PI15: variants seen among roughly 807,000 people sequenced by gnomAD.
The protein encoded by PI15 is peptidase inhibitor 15.
PI15 carries 18 observed loss-of-function variants against 31.0 expected under a neutral mutation model. That is an observed-to-expected ratio of 0.58 (90% CI 0.40 to 0.86). The LOEUF (loss-of-function observed/expected upper bound fraction) is 0.86. Among genes scored for constraint, PI15 ranks in the 40% least tolerant of loss-of-function variants. The pLI is 0.00. For synonymous variants in PI15, 118 were observed against 119.1 expected, an observed-to-expected ratio of 0.99 and a Z score of 0.06; for missense variants, 282 against 328.1, an observed-to-expected ratio of 0.86 and a Z score of 1.09.
Position 74,845,249 on chromosome 8 carries a change from C to G in PI15, c.514C>G (p.His172Asp). Residue 172 changes from histidine to aspartate, a missense_variant, in exon 4 of 6, where the codon CAT becomes GAT. Physicochemically the swap from His to Asp is moderately conservative, Grantham distance 81. Transcript: ENST00000260113. ...PMRCFGPMCTHYTQMVWATSN... is the reference protein window; with the variant it reads ...PMRCFGPMCTDYTQMVWATSN... Reference sequence around the variant, plus strand: ...GAGATGTTTTGGTCCCATGTGCACACATTATACGCAGGTTATTTCAATTAC... The same window carrying G: ...GAGATGTTTTGGTCCCATGTGCACAGATTATACGCAGGTTATTTCAATTAC... 1 of 1,613,430 alleles carries G rather than the reference C, an allele frequency of 6.2e-7. No homozygotes were observed. Among genetic ancestry groups the G allele is most frequent in the East Asian group, 2.2e-5 (1 of 44,878 alleles).
Position 74,843,981 on chromosome 8 carries a change from G to T in PI15, c.274G>T (p.Val92Phe), listed in dbSNP as rs747171231. Residue 92 changes from valine (V) to phenylalanine (F), a missense_variant and splice_region_variant, in exon 3 of 6, where the codon GTT (valine) becomes TTT (phenylalanine). Physicochemically the swap from Val to Phe is conservative, Grantham distance 50. Coordinates refer to ENST00000260113, the MANE Select transcript of PI15 (RefSeq NM_015886.5). ...CGCTGAAGATTTTTTTCCCCTACAG[G>T]TTTGGGATGAAAATCTTGCAAAATC... ...FPPAANMEYM[V>F]WDENLAKSAE... is the part of the protein sequence containing the mutation. 2.0e-6 allele frequency: 3 copies of T among 1,507,452 alleles called. No individual in the cohort carries two copies. Among genetic ancestry groups the T allele is most frequent in the South Asian group, 2.2e-5 (2 of 89,030 alleles). The allele number at this position is 1,507,452 out of a possible 1,614,324, so 93.4% of individuals were successfully genotyped here. A position where few individuals can be genotyped will look rare whatever the true frequency, so the allele number is the denominator to read the frequency against.
intron 3 of PI15, 124 bp from the exon 4 acceptor site, chr8:74,845,004 G>A: frequency 1.3e-6 from 1 of 781,780 alleles, no homozygotes; most frequent in Non-Finnish European, 2.1e-6. Context: ...GATTGTGAGG[G>A]GTGGATGTGC....
At chr8:74,828,986 T>G (rs1810740110) in intron 2 of PI15, among the ~76,000 whole-genome samples, 3 of 152,130 alleles carry the variant, frequency 2.0e-5, no homozygotes, top group Admixed American at 2.0e-4. Context: ...TTGTCTACTC[T>G]TATCATGTCT....
chr8:74,834,222 T>G (rs1048044042), intron 2 of PI15, among the ~76,000 whole-genome samples: 5 of 152,144 alleles, frequency 3.3e-5, no homozygotes, highest in African/African-American at 9.7e-5. Context: ...CGTTCATCTC[T>G]CCTGTTTCTG....
At chr8:74,825,020 T>C in intron 1 of PI15, 190 bp from the exon 2 acceptor site, 1 of 581,270 alleles carries the variant, frequency 1.7e-6, no homozygotes, top group Admixed American at 2.8e-5. Context: ...CTCTTAGGGG[T>C]CTGCCTCATG....
Position 74,851,496 on chromosome 8 carries a change from A to T in PI15, c.*2243A>T, listed in dbSNP as rs1811103366. The T allele has an allele frequency of 6.6e-6, 1 of 152,020 alleles. No homozygotes were observed. The highest frequency in any genetic ancestry group is 2.4e-5 in the African/African-American group (1 of 41,440). The allele number at this position is 152,020 out of a possible 1,614,324, so 9.4% of individuals were successfully genotyped here. ...CTTATGAAGGTAAATTTACCAGATT[A>T]ATAAAAATTTATGAATATTAAAATT... On this transcript the variant is annotated 3_prime_UTR_variant, in exon 6 of 6. Coordinates refer to ENST00000260113, the MANE Select transcript of PI15 (RefSeq NM_015886.5).
intron 2 of PI15, among the ~76,000 whole-genome samples, chr8:74,839,419 A>G (rs1810913862): frequency 6.6e-6 from 1 of 152,178 alleles, no homozygotes; most frequent in Admixed American, 6.6e-5. Flanking sequence ...ATATTCTGAT[A>G]CCATTATGAA....
chr8:74,843,059 A>C (rs1469556596), intron 2 of PI15, among the ~76,000 whole-genome samples: 1 of 152,194 alleles, frequency 6.6e-6, no homozygotes, highest in Non-Finnish European at 1.5e-5. Flanking sequence ...GTATGACCTT[A>C]TACGTTGCAA....
At chr8:74,845,330 T>G in intron 4 of PI15, 52 bp from the exon 5 acceptor site, 1 of 1,576,474 alleles carries the variant, frequency 6.3e-7, no homozygotes, top group South Asian at 1.1e-5. Context: ...TTGGTGGACA[T>G]GCATTGTCTT....
rs1253786226 is a variant in PI15, at chr8:74,853,269, GT to G, written c.*4017del. The G allele has an allele frequency of 2.6e-5, 4 of 152,398 alleles. No individual in the cohort carries two copies. Among genetic ancestry groups the G allele is most frequent in the African/African-American group, 9.7e-5 (4 of 41,402 alleles). The allele number at this position is 152,398 out of a possible 1,614,324, so 9.4% of individuals were successfully genotyped here. On this transcript the variant is annotated 3_prime_UTR_variant, in exon 6 of 6. Transcript: ENST00000260113. ...TATCTATTCTGGTGCTAAATGTATGGTGCTAAATGAATTGTTAGTGTTGATG... is the reference window on the plus strand; with the variant it reads ...TATCTATTCTGGTGCTAAATGTATGGGCTAAATGAATTGTTAGTGTTGATG...
chr8:74,846,215 T>C lies in PI15; in HGVS notation c.641+718T>C, dbSNP rs1811023228. ...GTCTCAAACAAAGATTTTCTCCAGC[T>C]ATTCCAGCATGGGGAGGGAATGAGA... On this transcript the variant is annotated intron_variant, in intron 5 of 5. Transcript: ENST00000260113. Among the ~76,000 whole-genome samples the C allele has an allele frequency of 2.0e-5, 3 of 152,252 alleles. 1 individual carries two copies. The highest frequency in any genetic ancestry group is 4.8e-5 in the African/African-American group (2 of 41,474).
In PI15 at chr8:74,849,955, C is replaced by A. The variant is rs1439007545; in HGVS notation, c.*702C>A. The A allele has an allele frequency of 1.3e-5, 2 of 152,180 alleles. No individual in the cohort carries two copies. The highest frequency in any genetic ancestry group is 4.8e-5 in the African/African-American group (2 of 41,446). The allele number at this position is 152,180 out of a possible 1,614,324, so 9.4% of individuals were successfully genotyped here. ...AGTCTCATTTTATTCATTCAGTCGT[C>A]ATGAGTTGAGTGCTTACTACATGCA... On this transcript the variant is annotated 3_prime_UTR_variant, in exon 6 of 6. Coordinates refer to ENST00000260113, the MANE Select transcript of PI15 (RefSeq NM_015886.5).
At position 74,845,226 on chromosome 8, in the gene PI15, GA is replaced by G. The variant is rs1811008032; in HGVS notation, c.492del (p.Arg164SerfsTer21). On this transcript the variant is annotated frameshift_variant, in exon 4 of 6. Transcript: ENST00000260113. LOFTEE classifies it high-confidence loss of function. ...GATTGCAACCCCAGATGTCCTATGA[GA>G]TGTTTTGGTCCCATGTGCACACATT... ...PQDCNPRCPM[R>X]CFGPMCTHYT... The G allele has an allele frequency of 6.2e-7, 1 of 1,613,492 alleles. No individual in the cohort carries two copies. The highest frequency in any genetic ancestry group is 1.3e-5 in the African/African-American group (1 of 74,922).
intron 3 of PI15, 28 bp from the exon 4 acceptor site, chr8:74,845,100 C>G: frequency 6.3e-7 from 1 of 1,599,842 alleles, no homozygotes. Context: ...CTGCTGCACT[C>G]TGATTTCTTT....
intron 2 of PI15, among the ~76,000 whole-genome samples, chr8:74,838,690 A>G (rs529352363): frequency 6.6e-6 from 1 of 152,204 alleles, no homozygotes; most frequent in South Asian, 2.1e-4. Context: ...CTTAAATTTT[A>G]TCTTTTTAAA....
At chr8:74,830,705 T>A (rs182914127) in intron 2 of PI15, among the ~76,000 whole-genome samples, 1 of 152,298 alleles carries the variant, frequency 6.6e-6, no homozygotes, top group Admixed American at 6.5e-5. Flanking sequence ...TACATGTATA[T>A]ATCTTTTTTT....
Position 74,849,389 on chromosome 8 carries a change from A to T in PI15, c.*136A>T, listed in dbSNP as rs1444498714. 1.7e-6 allele frequency: 1 copy of T among 586,532 alleles called. No homozygotes were observed. The highest frequency in any genetic ancestry group is 1.9e-5 in the African/African-American group (1 of 51,582). 36.3% of individuals were successfully genotyped at this position (586,532 alleles called of 1,614,324 possible). ...TTTCCTCTTAGTATTCCTTTGTATA[A>T]ATTAGTGTTTGTCTAGCATGTTTGT... On this transcript the variant is annotated 3_prime_UTR_variant, in exon 6 of 6. Coordinates refer to ENST00000260113, the MANE Select transcript of PI15 (RefSeq NM_015886.5).
At chr8:74,847,445 C>CAAAAA (rs34112666) in intron 5 of PI15, among the ~76,000 whole-genome samples, 3 of 128,650 alleles carry the variant, frequency 2.3e-5, no homozygotes, top group South Asian at 5.0e-4. Flanking sequence ...AACTCTGTCT[C>CAAAAA]AAAAAAAAAA....
intron 5 of PI15, chr8:74,846,060 A>C (rs1276315334): frequency 6.5e-6 from 1 of 153,098 alleles, no homozygotes; most frequent in African/African-American, 2.4e-5. Flanking sequence ...ATTTGGTAAA[A>C]TGCCTCTTGA....
Sources: allele counts gnomAD v4.1 joint callset (sites outside exome capture counted in the v4.1 genomes callset), GRCh38; gene constraint gnomAD v4.1.1; transcripts MANE v1.5; gene names NCBI Gene and HGNC (gene_info 2026-07-23, HGNC 2026-07-21).